Variants in PLCB4 observed in about 807,000 individuals in gnomAD.
PLCB4 encodes phospholipase C beta 4, also known as 1-phosphatidylinositol 4,5-bisphosphate phosphodiesterase beta-4.
In PLCB4, 77 loss-of-function variants were observed where a neutral mutation model predicts 178.8. The observed-to-expected ratio is 0.43, with a 90% CI of 0.36 to 0.52. The LOEUF (loss-of-function observed/expected upper bound fraction) is 0.52. Ranked by LOEUF, PLCB4 falls within the 20% of genes least tolerant of loss-of-function variation. PLCB4 has a pLI of 0.00. For synonymous variants in PLCB4, 496 were observed against 490.8 expected (o/e 1.01, Z -0.14); for missense variants, 1,024 against 1,453.4 (o/e 0.70, Z 4.80).
At chr20:9,260,771 G>T (rs977190676) in intron 3 of PLCB4, among the ~76,000 whole-genome samples, 2 of 151,978 alleles carry the variant, frequency 1.3e-5, no homozygotes, top group Admixed American at 6.6e-5. Context: ...ATAGAATTAT[G>T]ATTTTATTTA....
chr20:9,459,509 A>G, intron 34 of PLCB4, 126 bp from the exon 35 acceptor site: 1 of 564,254 alleles, frequency 1.8e-6, no homozygotes. Context: ...TGGTGGTTAT[A>G]GGTGTCTCAT....
chr20:9,379,065 T>C (rs2036921023), intron 12 of PLCB4, among the ~76,000 whole-genome samples: 1 of 152,188 alleles, frequency 6.6e-6, no homozygotes, highest in Non-Finnish European at 1.5e-5. Context: ...TTATCTGTCA[T>C]TATTCCAAAC....
chr20:9,194,598 C>G lies in PLCB4; in HGVS notation c.-78-22792C>G, dbSNP rs564609484. On this transcript the variant is annotated intron_variant, in intron 2 of 39. Coordinates refer to ENST00000378473, the MANE Select transcript of PLCB4 (RefSeq NM_001377142.1). ...GTCCCAGCTACTCGGGAGGCTGAGG[C>G]AGGAGAATGGTGTGAACCCGGGAGG... Among the ~76,000 whole-genome samples, 9 of 144,050 alleles carry G rather than the reference C, an allele frequency of 6.2e-5. No individual in the cohort carries two copies. The East Asian group carries it at 1.8e-3, about 29-fold the overall frequency. 94.5% of individuals were successfully genotyped at this position (144,050 alleles called of 152,430 possible). A position where few individuals can be genotyped will look rare whatever the true frequency, so the allele number is the denominator to read the frequency against.
intron 13 of PLCB4, among the ~76,000 whole-genome samples, chr20:9,382,324 C>T (rs6077523): frequency 6.6e-6 from 1 of 152,312 alleles, no homozygotes; most frequent in Admixed American, 6.5e-5. Context: ...ACTCAGTGCC[C>T]TACAATTTAT....
chr20:9,336,045 G>A (rs916398163), intron 4 of PLCB4, among the ~76,000 whole-genome samples: 1 of 151,976 alleles, frequency 6.6e-6, no homozygotes, highest in Admixed American at 6.6e-5. Flanking sequence ...GAGTCTGAAC[G>A]GCCCTTAAAA....
chr20:9,302,468 C>T (rs2094717345), intron 3 of PLCB4, among the ~76,000 whole-genome samples: 1 of 152,098 alleles, frequency 6.6e-6, no homozygotes, highest in Non-Finnish European at 1.5e-5. Flanking sequence ...ATGCCAGGCC[C>T]TAGGAAGTTT....
At chr20:9,102,504 C>G (rs2091195347) in intron 2 of PLCB4, among the ~76,000 whole-genome samples, 1 of 152,100 alleles carries the variant, frequency 6.6e-6, no homozygotes, top group African/African-American at 2.4e-5. Flanking sequence ...AATGTTTTTG[C>G]TTTTTAGTTT....
intron 3 of PLCB4, among the ~76,000 whole-genome samples, chr20:9,270,504 T>A (rs2094392592): frequency 6.6e-6 from 1 of 152,196 alleles, no homozygotes; most frequent in South Asian, 2.1e-4. Context: ...ATAGGTAATC[T>A]ATTTCTTTTT....
intron 2 of PLCB4, among the ~76,000 whole-genome samples, chr20:9,120,715 C>CTT (rs2091933845): frequency 6.6e-6 from 1 of 151,302 alleles, no homozygotes; most frequent in African/African-American, 2.4e-5. Flanking sequence ...TCCCAAGGTG[C>CTT]CCTGCTGCAG....
At chr20:9,405,186 C>T (rs2039344294) in intron 20 of PLCB4, 127 bp from the exon 21 acceptor site, 1 of 569,238 alleles carries the variant, frequency 1.8e-6, no homozygotes. Context: ...AGTAATGTCC[C>T]ACCTTAGCAA....
At chr20:9,127,014 C>G (rs1424934667) in intron 2 of PLCB4, among the ~76,000 whole-genome samples, 7 of 152,096 alleles carry the variant, frequency 4.6e-5, no homozygotes, top group African/African-American at 1.7e-4. Flanking sequence ...TCCTCTGTGC[C>G]AGATACTGTA....
intron 4 of PLCB4, among the ~76,000 whole-genome samples, chr20:9,312,311 T>G (rs1197492911): frequency 1.3e-5 from 2 of 150,844 alleles, no homozygotes; most frequent in Non-Finnish European, 2.9e-5. Context: ...AGCAAAGTCT[T>G]GGTCTTCTTG....
intron 3 of PLCB4, among the ~76,000 whole-genome samples, chr20:9,236,356 A>G (rs1466047242): frequency 6.6e-6 from 1 of 152,198 alleles, no homozygotes; most frequent in South Asian, 2.1e-4. Context: ...ATAAAGAACT[A>G]CTTTACCTTC....
At position 9,171,868 on chromosome 20, in the gene PLCB4, G is replaced by A. The variant is rs113774765; in HGVS notation, c.-78-45522G>A. Among the ~76,000 whole-genome samples the A allele has an allele frequency of 4.5e-3, 688 of 152,206 alleles. 4 individuals carry two copies. The highest frequency in any genetic ancestry group is 0.014 in the African/African-American group (562 of 41,532). Reference sequence around the variant, plus strand: ...TCATAATTTTAAGCCTCAATGGAATGGAAAGAAATATCAATCGATCTTCCA... The same window carrying A: ...TCATAATTTTAAGCCTCAATGGAATAGAAAGAAATATCAATCGATCTTCCA... On this transcript the variant is annotated intron_variant, in intron 2 of 39. Transcript: ENST00000378473.
chr20:9,187,529 C>T (rs1248195223), intron 2 of PLCB4, among the ~76,000 whole-genome samples: 1 of 152,134 alleles, frequency 6.6e-6, no homozygotes, highest in Non-Finnish European at 1.5e-5. Flanking sequence ...GTGAGGATTA[C>T]GTTATATCTG....
intron 37 of PLCB4, 151 bp downstream of exon 37, chr20:9,472,998 T>C (rs2044288041): frequency 5.2e-6 from 3 of 577,068 alleles, no homozygotes; most frequent in Admixed American, 7.0e-5. Flanking sequence ...GCTAAAATAA[T>C]GTCTCACTAA....
chr20:9,306,365 C>T (rs2094766313), intron 3 of PLCB4, among the ~76,000 whole-genome samples: 1 of 151,828 alleles, frequency 6.6e-6, no homozygotes, highest in Non-Finnish European at 1.5e-5. Context: ...CTCCCCCCAC[C>T]CCGGCCTCTC....
intron 2 of PLCB4, among the ~76,000 whole-genome samples, chr20:9,211,474 C>G (rs2093672288): frequency 6.6e-6 from 1 of 152,176 alleles, no homozygotes; most frequent in Non-Finnish European, 1.5e-5. Context: ...ACAGAATGTG[C>G]ATTTTAACCA....
intron 35 of PLCB4, among the ~76,000 whole-genome samples, chr20:9,464,260 T>A (rs1235948686): frequency 6.6e-6 from 1 of 152,146 alleles, no homozygotes; most frequent in Non-Finnish European, 1.5e-5. Flanking sequence ...TACCAGAATC[T>A]CTGGGACACA....
Sources: allele counts gnomAD v4.1 joint callset (sites outside exome capture counted in the v4.1 genomes callset), GRCh38; gene constraint gnomAD v4.1.1; transcripts MANE v1.5; gene names NCBI Gene and HGNC (gene_info 2026-07-23, HGNC 2026-07-21).